TRIM37: variants seen among roughly 807,000 people sequenced by gnomAD.
TRIM37 encodes E3 ubiquitin-protein ligase TRIM37.
Under a neutral mutation model 129.8 loss-of-function variants are expected in TRIM37, and 80 were observed. The observed-to-expected ratio is 0.62, with a 90% CI of 0.51 to 0.74. The LOEUF (loss-of-function observed/expected upper bound fraction) is 0.74. TRIM37 is among the 30% of genes least tolerant of loss of function. The pLI, the probability that TRIM37 is intolerant of heterozygous loss-of-function variation, is 0.00. For synonymous variants in TRIM37, 389 were observed against 387.1 expected (o/e 1.00, Z -0.06); for missense variants, 1,054 against 1,176.5 (o/e 0.90, Z 1.52).
chr17:58,994,286 C>CT (rs1482336977), downstream of TRIM37, among the ~76,000 whole-genome samples: 10 of 152,048 alleles, frequency 6.6e-5, no homozygotes, highest in Non-Finnish European at 1.3e-4. Context: ...AGTCAGCCCT[C>CT]TATTATCTTT....
At chr17:59,056,190 G>A (rs1304353070) in intron 13 of TRIM37, among the ~76,000 whole-genome samples, 1 of 151,882 alleles carries the variant, frequency 6.6e-6, no homozygotes, top group East Asian at 1.9e-4. Context: ...GGAAGTTGTA[G>A]TTTCCCACCC....
intron 13 of TRIM37, among the ~76,000 whole-genome samples, chr17:59,051,772 C>G (rs1356759643): frequency 6.6e-6 from 1 of 151,788 alleles, no homozygotes; most frequent in Non-Finnish European, 1.5e-5. Context: ...GCTCTGTCGC[C>G]CAGGCTGGAG....
intron 17 of TRIM37, among the ~76,000 whole-genome samples, chr17:59,033,855 C>T (rs1419159871): frequency 2.6e-5 from 4 of 151,644 alleles, no homozygotes; most frequent in Middle Eastern, 3.2e-3. Context: ...CAGTGGCTCA[C>T]GCCTGTTATC....
chr17:59,006,488 A>G (rs1302117526), intron 22 of TRIM37, among the ~76,000 whole-genome samples: 2 of 152,228 alleles, frequency 1.3e-5, no homozygotes, highest in African/African-American at 4.8e-5. Flanking sequence ...CTAGTCACCA[A>G]CAATTTATCT....
intron 11 of TRIM37, among the ~76,000 whole-genome samples, chr17:59,061,642 T>G (rs558100117): frequency 2.0e-5 from 3 of 152,298 alleles, no homozygotes; most frequent in Admixed American, 6.5e-5. Context: ...CCTCCCTTTT[T>G]GTTTAATTTG....
Position 59,062,578 on chromosome 17 carries a change from T to C in TRIM37, c.931A>G (p.Lys311Glu), listed in dbSNP as rs762890859. ...TATGAAAAACTTACTGGGTAAACTT[T>C]TAACCTCCAGCAAAGTCCTGAAACT... ...LQVSGLCWRL[K>E]VYPDGNGVVR... is the part of the protein sequence containing the mutation. The change falls in exon 11 of 24, where the codon AAA (lysine) becomes GAA (glutamate). Residue 311 changes from lysine (K) to glutamate (E), a missense_variant. Transcript: ENST00000262294. 4.3e-6 allele frequency: 7 copies of C among 1,613,972 alleles called. No homozygotes were observed. Among genetic ancestry groups the C allele is most frequent in the Non-Finnish European group, 5.9e-6 (7 of 1,179,874 alleles).
At chr17:59,062,358 T>C (rs905851541) in intron 11 of TRIM37, among the ~76,000 whole-genome samples, 7 of 152,112 alleles carry the variant, frequency 4.6e-5, no homozygotes, top group Non-Finnish European at 7.4e-5. Flanking sequence ...TTGTTTCCAA[T>C]AGGCCTTCCA....
chr17:59,075,653 C>T lies in TRIM37; in HGVS notation c.678G>A (p.Glu226=). Residue 226 remains glutamate (E), a synonymous_variant, in exon 8 of 24, where the codon GAG becomes GAA. Transcript: ENST00000262294. ...ELLESLLQEV[E]HQLRSCSKSE... The stretch of plus-strand genomic sequence containing the variant: ...ACATTTAATATTTCATCACCTGGTG[C>T]TCCACCTCCTGAAGTAAGGATTCCA... The T allele has an allele frequency of 6.2e-7, 1 of 1,604,984 alleles. No individual in the cohort carries two copies. Among genetic ancestry groups the T allele is most frequent in the Non-Finnish European group, 8.5e-7 (1 of 1,173,956 alleles).
chr17:59,005,754 A>G (rs1427478652), intron 22 of TRIM37, among the ~76,000 whole-genome samples: 1 of 152,216 alleles, frequency 6.6e-6, no homozygotes. Flanking sequence ...ATGTTAATAA[A>G]AATGCCAATA....
At chr17:58,971,651 G>C in the TRIM37 span, among the ~76,000 whole-genome samples, 18 of 152,140 alleles carry the variant, frequency 1.2e-4, no homozygotes, top group Non-Finnish European at 1.8e-4. Context: ...CATCTGTTGT[G>C]TACCAATCAG....
chr17:59,001,731 A>C lies in TRIM37; in HGVS notation c.2696-17T>G. The C allele has an allele frequency of 6.2e-7, 1 of 1,613,812 alleles. No homozygotes were observed. Among genetic ancestry groups the C allele is most frequent in the East Asian group, 2.2e-5 (1 of 44,846 alleles). ...TACTCATTCCTGGCAGGAAGGAAGGAGAACATGTTTCTGAAAAGAAACCAC... is the reference window on the plus strand; with the variant it reads ...TACTCATTCCTGGCAGGAAGGAAGGCGAACATGTTTCTGAAAAGAAACCAC... On this transcript the variant is annotated splice_polypyrimidine_tract_variant and intron_variant, in intron 22 of 23. Transcript: ENST00000262294.
At chr17:59,068,675 T>C (rs2042115444) in intron 9 of TRIM37, among the ~76,000 whole-genome samples, 1 of 152,216 alleles carries the variant, frequency 6.6e-6, no homozygotes, top group African/African-American at 2.4e-5. Flanking sequence ...GTCAGTGCTT[T>C]AAAAAGATAT....
the TRIM37 span, chr17:58,972,254 G>A: frequency 1.2e-6 from 2 of 1,613,916 alleles, no homozygotes; most frequent in African/African-American, 2.7e-5. Flanking sequence ...AACTAATGAA[G>A]CCACACAAAC....
chr17:58,974,245 C>A, the TRIM37 span, among the ~76,000 whole-genome samples: 1 of 152,114 alleles, frequency 6.6e-6, no homozygotes, highest in African/African-American at 2.4e-5. Context: ...TTTGTTTATG[C>A]CTCTAAATTA....
At chr17:58,978,342 T>C (rs1379171168), downstream of TRIM37, among the ~76,000 whole-genome samples, 1 of 152,240 alleles carries the variant, frequency 6.6e-6, no homozygotes, top group Admixed American at 6.5e-5. Context: ...TATGTAATGA[T>C]GATTTATGAT....
chr17:59,002,958 C>T (rs537006408), intron 22 of TRIM37, among the ~76,000 whole-genome samples: 2 of 152,318 alleles, frequency 1.3e-5, no homozygotes, highest in African/African-American at 4.8e-5. Context: ...GCAATCATGG[C>T]TTACCACAGC....
intron 2 of TRIM37, among the ~76,000 whole-genome samples, chr17:59,093,086 G>A (rs896680934): frequency 1.3e-5 from 2 of 152,136 alleles, no homozygotes; most frequent in African/African-American, 4.8e-5. Context: ...GGAGGTGGAG[G>A]CTGCAGGGAG....
intron 12 of TRIM37, among the ~76,000 whole-genome samples, chr17:59,058,498 T>C (rs530095406): frequency 4.5e-4 from 68 of 152,216 alleles, no homozygotes; most frequent in African/African-American, 1.5e-3. Context: ...AGTTTACCTA[T>C]GTAACAAACC....
intron 17 of TRIM37, among the ~76,000 whole-genome samples, chr17:59,033,018 T>C (rs949041709): frequency 1.3e-5 from 2 of 152,196 alleles, no homozygotes; most frequent in Non-Finnish European, 2.9e-5. Flanking sequence ...GAAAAGCATC[T>C]GACTTTTCTC....
Sources: allele counts gnomAD v4.1 joint callset (sites outside exome capture counted in the v4.1 genomes callset), GRCh38; gene constraint gnomAD v4.1.1; transcripts MANE v1.5; gene names NCBI Gene and HGNC (gene_info 2026-07-23, HGNC 2026-07-21).